The following METTL2A variants were observed in gnomAD, a reference collection of about 807,000 sequenced individuals.
The protein encoded by METTL2A is tRNA N(3)-cytidine methyltransferase METTL2A.
In METTL2A, 45 loss-of-function variants were observed where a neutral mutation model predicts 49.4. That is an observed-to-expected ratio of 0.91 (90% CI 0.72 to 1.17). The LOEUF (loss-of-function observed/expected upper bound fraction) is 1.17. Ranked by LOEUF, METTL2A falls within the 50% of genes most tolerant of loss-of-function variation. METTL2A has a pLI of 0.00. For missense variants in METTL2A, 361 were observed against 462.2 expected (o/e 0.78, Z 2.01); for synonymous variants, 118 against 167.5 (o/e 0.70, Z 2.28).
intron 5 of METTL2A, 128 bp downstream of exon 5, chr17:62,435,420 T>G: frequency 1.5e-6 from 2 of 1,335,610 alleles, no homozygotes; most frequent in East Asian, 2.4e-5. Flanking sequence ...AGTAAAAGAT[T>G]TACTGATAAC....
intron 6 of METTL2A, among the ~76,000 whole-genome samples, chr17:62,444,298 C>G (rs1214756314): frequency 1.3e-5 from 2 of 152,176 alleles, no homozygotes; most frequent in African/African-American, 4.8e-5. Context: ...TTTTTGGAGA[C>G]AAAGTCTCAG....
rs140664355 is a variant in METTL2A at position 62,437,464 on chromosome 17, C to T, written c.669+2172C>T. On this transcript the variant is annotated intron_variant, in intron 5 of 8. Coordinates refer to ENST00000311506, the MANE Select transcript of METTL2A (RefSeq NM_181725.4). ...TTCCTAATTTTGCACGCGGCCCCAA[C>T]GTGCTTGCTCCTCCCAGTCCCTTAC... Among the ~76,000 whole-genome samples, 22 of 152,232 alleles carry T rather than the reference C, an allele frequency of 1.4e-4. No individual in the cohort carries two copies. In the South Asian group the frequency reaches 4.4e-3, roughly 30 times the overall value.
intron 7 of METTL2A, among the ~76,000 whole-genome samples, chr17:62,447,459 A>G (rs2070776621): frequency 6.6e-6 from 1 of 152,172 alleles, no homozygotes; most frequent in South Asian, 2.1e-4. Flanking sequence ...CTGTTAATTT[A>G]ATGGGGTTGG....
intron 4 of METTL2A, among the ~76,000 whole-genome samples, chr17:62,428,824 T>C (rs935524645): frequency 2.0e-5 from 3 of 152,202 alleles, no homozygotes; most frequent in African/African-American, 7.2e-5. Flanking sequence ...TGTTCTGTCA[T>C]CCCGACTAGC....
Position 62,450,247 on chromosome 17 carries a change from C to CATTTTTTTTTTTTTT in METTL2A, c.*1518_*1519insATTTTTTTTTTTTTT, listed in dbSNP as rs1396756918. On this transcript the variant is annotated 3_prime_UTR_variant, in exon 9 of 9. Coordinates refer to ENST00000311506, the MANE Select transcript of METTL2A (RefSeq NM_181725.4). ...TGTGATCATTATCAGTGTTAGATGC[C>CATTTTTTTTTTTTTT]TTTTTTTTTTTTTTTTTTTTTTTTT... 8.7e-5 allele frequency: 7 copies of CATTTTTTTTTTTTTT among 80,540 alleles called. 1 individual carries two copies. The highest frequency in any genetic ancestry group is 6.3e-5 in the African/African-American group (1 of 15,966). 5.0% of individuals were successfully genotyped at this position (80,540 alleles called of 1,614,324 possible).
At chr17:62,441,257 C>T (rs1206072260) in intron 6 of METTL2A, among the ~76,000 whole-genome samples, 1 of 152,136 alleles carries the variant, frequency 6.6e-6, no homozygotes, top group Non-Finnish European at 1.5e-5. Flanking sequence ...CTGTTCTGGC[C>T]TCGAAACTTC....
At chr17:62,438,261 G>A (rs1257414059) in intron 5 of METTL2A, among the ~76,000 whole-genome samples, 1 of 151,954 alleles carries the variant, frequency 6.6e-6, no homozygotes, top group East Asian at 1.9e-4. Context: ...ACAAAAATTA[G>A]CCAGGTATGG....
intron 1 of METTL2A, 50 bp from the exon 2 acceptor site, chr17:62,424,169 G>T (rs372934308): frequency 3.1e-6 from 5 of 1,613,380 alleles, no homozygotes; most frequent in Non-Finnish European, 4.2e-6. Context: ...GACTCACCCT[G>T]CCCGCAGCCA....
Position 62,447,738 on chromosome 17 carries a change from T to C in METTL2A, c.954T>C (p.Asp318=), listed in dbSNP as rs2070778763. 1 of 1,614,234 alleles carries C rather than the reference T, an allele frequency of 6.2e-7. No homozygotes were observed. The highest frequency in any genetic ancestry group is 8.5e-7 in the Non-Finnish European group (1 of 1,180,030). ...CTGGAAATTTCTACGTGAGAGGTGATGGAACCAGAGTTTACTTCTTCACAC... is the reference window on the plus strand; with the variant it reads ...CTGGAAATTTCTACGTGAGAGGTGACGGAACCAGAGTTTACTTCTTCACAC... ...CLSGNFYVRG[D]GTRVYFFTQE... The change falls in exon 8 of 9, where the codon GAT becomes GAC. Residue 318 remains aspartate, a synonymous_variant. Coordinates refer to ENST00000311506, the MANE Select transcript of METTL2A (RefSeq NM_181725.4).
At chr17:62,442,559 A>G (rs2070744616) in intron 6 of METTL2A, among the ~76,000 whole-genome samples, 2 of 151,440 alleles carry the variant, frequency 1.3e-5, no homozygotes, top group African/African-American at 2.5e-5. Context: ...GATTACAGGC[A>G]TGAGCCACTG....
At chr17:62,427,858 T>C in intron 4 of METTL2A, 21 bp downstream of exon 4, 1 of 1,598,340 alleles carries the variant, frequency 6.3e-7, no homozygotes, top group South Asian at 1.1e-5. Context: ...TGTAAAAGTT[T>C]ATGATAGCAA....
In METTL2A at chr17:62,446,314, A is replaced by G. The variant is rs191042136; in HGVS notation, c.916+1371A>G. On this transcript the variant is annotated intron_variant, in intron 7 of 8. Coordinates refer to ENST00000311506, the MANE Select transcript of METTL2A (RefSeq NM_181725.4). ...TGTGAGCCACTGTGCCCAGTGTTAC[A>G]GCCTTTTTTTTTTTGAGACGGAGTC... 1.7e-3 allele frequency among the ~76,000 whole-genome samples: 249 copies of G among 145,356 alleles called. 3 individuals are homozygous for G. In the East Asian group the frequency reaches 0.043, roughly 25 times the overall value.
chr17:62,444,841 C>T lies in METTL2A; in HGVS notation c.814C>T (p.Gln272Ter), dbSNP rs755635512. 5 of 1,613,724 alleles carry T rather than the reference C, an allele frequency of 3.1e-6. No homozygotes were observed. In the Admixed American group the frequency reaches 8.3e-5, roughly 27 times the overall value. The change falls in exon 7 of 9, where the codon CAG becomes TAG. Residue 272 changes from glutamine (Q) to a stop codon, truncating the protein, a stop_gained. Transcript: ENST00000311506. LOFTEE classifies it high-confidence loss of function. ...TCATTCCCTGCTGCTCCACAGGATG[C>T]AGAAGGCTATCAACAGGCTGAGCAG... Reference protein sequence around the residue: ...VLSAIVPDKMQKAINRLSRLL... With the variant: ...VLSAIVPDKM
At chr17:62,435,462 A>G (rs2070694528) in intron 5 of METTL2A, among the ~76,000 whole-genome samples, 170 bp downstream of exon 5, 1 of 152,208 alleles carries the variant, frequency 6.6e-6, no homozygotes, top group African/African-American at 2.4e-5. Flanking sequence ...AGTTCACTTT[A>G]TCACACTGTA....
chr17:62,436,708 G>C (rs2070702640), intron 5 of METTL2A, among the ~76,000 whole-genome samples: 1 of 152,148 alleles, frequency 6.6e-6, no homozygotes, highest in Non-Finnish European at 1.5e-5. Flanking sequence ...GGGTTGGGGT[G>C]GTCGTTGCTA....
chr17:62,446,003 G>A (rs150133911), intron 7 of METTL2A, among the ~76,000 whole-genome samples: 1,570 of 152,230 alleles, frequency 0.01, 18 homozygotes, highest in African/African-American at 0.035. Flanking sequence ...AAAAACAGGC[G>A]AGGAGTATTT....
chr17:62,428,984 C>T (rs1219645558), intron 4 of METTL2A, among the ~76,000 whole-genome samples: 4 of 152,158 alleles, frequency 2.6e-5, no homozygotes, highest in Admixed American at 2.0e-4. Flanking sequence ...CAGGGTCTCA[C>T]TTTGTTGCCC....
In METTL2A at chr17:62,453,339, G is replaced by C. The variant is rs2070815020; in HGVS notation, c.*4610G>C. 6.6e-6 allele frequency among the ~76,000 whole-genome samples: 1 copy of C among 152,126 alleles called. No homozygotes were observed. The highest frequency in any genetic ancestry group is 2.4e-5 in the African/African-American group (1 of 41,428). Reference sequence around the variant, plus strand: ...GTTACATTTGTTGGGAGGGATTAAAGTATATGACCTCAGTGCCACTTAAAA... The same window carrying C: ...GTTACATTTGTTGGGAGGGATTAAACTATATGACCTCAGTGCCACTTAAAA... On this transcript the variant is annotated 3_prime_UTR_variant, in exon 9 of 9. Transcript: ENST00000311506.
intron 3 of METTL2A, among the ~76,000 whole-genome samples, chr17:62,427,325 G>A (rs1225440990): frequency 6.6e-6 from 1 of 152,116 alleles, no homozygotes; most frequent in Non-Finnish European, 1.5e-5. Flanking sequence ...GTATGTAAAA[G>A]GGCTAAGAAC....
Sources: gnomAD v4.1 joint callset for allele counts (sites outside exome capture counted in the v4.1 genomes callset) on GRCh38, gnomAD v4.1.1 for gene constraint, MANE v1.5 for transcripts, NCBI Gene and HGNC (gene_info 2026-07-23, HGNC 2026-07-21) for gene names.